Variants in MAP4K5 observed in about 807,000 individuals in gnomAD.
MAP4K5 encodes mitogen-activated protein kinase kinase kinase kinase 5, also known as MAPK/ERK kinase kinase kinase 5.
A neutral mutation model predicts 135.6 loss-of-function variants in MAP4K5; 82 were observed. That is an observed-to-expected ratio of 0.60 (90% CI 0.51 to 0.73). MAP4K5 has a LOEUF of 0.73. Among genes scored for constraint, MAP4K5 ranks in the 30% least tolerant of loss-of-function variants. The probability of loss-of-function intolerance (pLI) is 0.00; values close to 1 mark genes in which losing one functional copy is unlikely to be tolerated. For synonymous variants in MAP4K5, 347 were observed against 335.0 expected (o/e 1.04, Z -0.39); for missense variants, 907 against 1,010.9 (o/e 0.90, Z 1.39).
At chr14:50,547,430 G>A (rs1049422745) in intron 1 of MAP4K5, among the ~76,000 whole-genome samples, 1 of 152,148 alleles carries the variant, frequency 6.6e-6, no homozygotes, top group Middle Eastern at 3.2e-3. Flanking sequence ...TCTGTGAGCT[G>A]AATAAAAACA....
intron 21 of MAP4K5, among the ~76,000 whole-genome samples, 158 bp from the exon 22 acceptor site, chr14:50,440,599 C>T (rs1700541573): frequency 6.6e-6 from 1 of 152,050 alleles, no homozygotes; most frequent in Admixed American, 6.6e-5. Flanking sequence ...TTACCTCTTT[C>T]CCCAATTCCT....
Position 50,438,108 on chromosome 14 carries a change from C to T in MAP4K5, c.1706-14G>A, listed in dbSNP as rs2356248. The T allele has an allele frequency of 1.3e-6, 1 of 782,382 alleles. No homozygotes were observed. The highest frequency in any genetic ancestry group is 2.3e-6 in the Non-Finnish European group (1 of 434,638). 48.5% of individuals were successfully genotyped at this position (782,382 alleles called of 1,614,324 possible). On this transcript the variant is annotated splice_polypyrimidine_tract_variant and intron_variant, in intron 23 of 32. Transcript: ENST00000682126. ...CGTAATTACCTTCTAAAACGAGAGT[C>T]CAGTAATGTTCAAAAAGCCAAGCAA...
intron 13 of MAP4K5, among the ~76,000 whole-genome samples, chr14:50,461,332 A>T (rs1012505620): frequency 2.0e-5 from 3 of 152,156 alleles, no homozygotes; most frequent in Non-Finnish European, 4.4e-5. Flanking sequence ...TCTGGCACAC[A>T]GTATGATATT....
At chr14:50,423,825 A>C (rs2035786225) in intron 31 of MAP4K5, among the ~76,000 whole-genome samples, 1 of 152,188 alleles carries the variant, frequency 6.6e-6, no homozygotes, top group African/African-American at 2.4e-5. Context: ...ACTATGCCAA[A>C]GTGCCCGCAG....
At chr14:50,495,632 T>G (rs1237234253) in intron 3 of MAP4K5, among the ~76,000 whole-genome samples, 1 of 152,208 alleles carries the variant, frequency 6.6e-6, no homozygotes, top group Non-Finnish European at 1.5e-5. Context: ...GCAGCACTAT[T>G]TACAATAGCC....
intron 2 of MAP4K5, among the ~76,000 whole-genome samples, chr14:50,520,900 G>A (rs1369547945): frequency 7.7e-5 from 11 of 143,134 alleles, no homozygotes; most frequent in Non-Finnish European, 1.6e-4. Context: ...TTTGCCCACC[G>A]CAACCTCCAC....
intron 2 of MAP4K5, among the ~76,000 whole-genome samples, chr14:50,513,435 T>A (rs1252623437): frequency 6.6e-6 from 1 of 152,184 alleles, no homozygotes; most frequent in Non-Finnish European, 1.5e-5. Context: ...CTACATACTG[T>A]AAAATTTTTA....
chr14:50,552,289 A>T (rs2038712283), intron 1 of MAP4K5, among the ~76,000 whole-genome samples: 1 of 152,218 alleles, frequency 6.6e-6, no homozygotes, highest in African/African-American at 2.4e-5. Context: ...ATTAAATAAA[A>T]TACTTAGGAA....
At chr14:50,542,201 T>C (rs892310124) in intron 2 of MAP4K5, among the ~76,000 whole-genome samples, 3 of 149,558 alleles carry the variant, frequency 2.0e-5, no homozygotes, top group Admixed American at 1.4e-4. Context: ...TTACCCTGCA[T>C]GTTCTCACTC....
intron 1 of MAP4K5, among the ~76,000 whole-genome samples, chr14:50,549,645 A>C (rs77440659): frequency 0.031 from 4,659 of 152,314 alleles, 96 homozygotes; most frequent in Middle Eastern, 0.085. Flanking sequence ...TGCTACGAAG[A>C]ATATATAATG....
chr14:50,419,589 C>A lies in MAP4K5; in HGVS notation c.*430G>T. 1 of 157,310 alleles carries A rather than the reference C, an allele frequency of 6.4e-6. No individual in the cohort carries two copies. Among genetic ancestry groups the A allele is most frequent in the Non-Finnish European group, 1.4e-5 (1 of 70,796 alleles). The allele number at this position is 157,310 out of a possible 1,614,324, so 9.7% of individuals were successfully genotyped here. A position where few individuals can be genotyped will look rare whatever the true frequency, so the allele number is the denominator to read the frequency against. ...GTTTTACAAAAACATACAGAATGGC[C>A]AATATAAAAGTGAAAACCTTGCTTG... On this transcript the variant is annotated 3_prime_UTR_variant, in exon 33 of 33. Transcript: ENST00000682126.
intron 2 of MAP4K5, among the ~76,000 whole-genome samples, chr14:50,511,908 T>C (rs549589241): frequency 6.6e-6 from 1 of 152,082 alleles, no homozygotes; most frequent in Admixed American, 6.6e-5. Context: ...AAGAGACAAA[T>C]AGGTGAAGCA....
rs547376734 is a variant in MAP4K5 at position 50,441,073 on chromosome 14, G to A, written c.1565-632C>T. 5.3e-5 allele frequency among the ~76,000 whole-genome samples: 8 copies of A among 152,186 alleles called. No homozygotes were observed. The South Asian group carries it at 1.2e-3, about 24-fold the overall frequency. ...ATAAATAATAGAGATAGATCATATC[G>A]CATGGAATAAAATAAGAATTAATAA... On this transcript the variant is annotated intron_variant, in intron 21 of 32. Coordinates refer to ENST00000682126, the MANE Select transcript of MAP4K5 (RefSeq NM_006575.6).
chr14:50,518,115 C>T (rs556555813), intron 2 of MAP4K5, among the ~76,000 whole-genome samples: 1 of 152,114 alleles, frequency 6.6e-6, no homozygotes, highest in African/African-American at 2.4e-5. Context: ...GCAATTAAAA[C>T]GTCCAAAAAA....
chr14:50,557,466 T>C (rs1240238169), intron 1 of MAP4K5, among the ~76,000 whole-genome samples: 2 of 152,236 alleles, frequency 1.3e-5, no homozygotes, highest in Non-Finnish European at 2.9e-5. Flanking sequence ...TTTTTCCTCC[T>C]CATTTAACAT....
chr14:50,440,045 T>C lies in MAP4K5; in HGVS notation c.1673A>G (p.Tyr558Cys), dbSNP rs752137508. Residue 558 changes from tyrosine to cysteine, a missense_variant, in exon 23 of 33, where the codon TAT becomes TGT. Coordinates refer to ENST00000682126, the MANE Select transcript of MAP4K5 (RefSeq NM_006575.6). The part of the protein sequence containing the change: ...QLFPRKCTWL[Y>C]VINNTLMSLS... ...TGACATTAAAGTATTATTGATAACA[T>C]ACAGCCAAGTACACTTCCGTGGAAA... 1.3e-6 allele frequency: 2 copies of C among 1,543,726 alleles called. No homozygotes were observed. Among genetic ancestry groups the C allele is most frequent in the East Asian group, 2.3e-5 (1 of 43,484 alleles).
chr14:50,435,091 AC>A, intron 26 of MAP4K5, 26 bp from the exon 27 acceptor site: 2 of 1,219,546 alleles, frequency 1.6e-6, no homozygotes, highest in South Asian at 1.3e-5. Context: ...CAAACAAAAA[AC>A]CCAGACACAC....
At chr14:50,468,271 T>C (rs1334460451) in intron 10 of MAP4K5, 1 of 158,422 alleles carries the variant, frequency 6.3e-6, no homozygotes, top group African/African-American at 2.4e-5. Context: ...CTTAAAATAA[T>C]GTTAACTCTC....
At chr14:50,445,547 A>G (rs971086462) in intron 17 of MAP4K5, among the ~76,000 whole-genome samples, 1 of 152,142 alleles carries the variant, frequency 6.6e-6, no homozygotes, top group East Asian at 1.9e-4. Flanking sequence ...TTCAATAAGC[A>G]ATAACCTGTT....
Sources: allele counts gnomAD v4.1 joint callset (sites outside exome capture counted in the v4.1 genomes callset), GRCh38; gene constraint gnomAD v4.1.1; transcripts MANE v1.5; gene names NCBI Gene and HGNC (gene_info 2026-07-23, HGNC 2026-07-21).